The following PPP6R1 variants were observed in gnomAD, a reference collection of about 807,000 sequenced individuals.
The protein encoded by PPP6R1 is serine/threonine-protein phosphatase 6 regulatory subunit 1.
Under a neutral mutation model 104.6 loss-of-function variants are expected in PPP6R1, and 39 were observed. The ratio of observed to expected loss-of-function variants is 0.37; its 90% CI spans 0.29 to 0.49. The LOEUF (loss-of-function observed/expected upper bound fraction) is 0.49. Among genes scored for constraint, PPP6R1 ranks in the 20% least tolerant of loss-of-function variants. The pLI, the probability that PPP6R1 is intolerant of heterozygous loss-of-function variation, is 0.98. For synonymous variants in PPP6R1, 549 were observed against 479.0 expected, an observed-to-expected ratio of 1.15 and a Z score of -1.91; for missense variants, 1,181 against 1,155.8, an observed-to-expected ratio of 1.02 and a Z score of -0.32.
intron 1 of PPP6R1, among the ~76,000 whole-genome samples, chr19:55,248,905 T>C (rs2087531837): frequency 6.6e-6 from 1 of 152,150 alleles, no homozygotes; most frequent in Non-Finnish European, 1.5e-5. Flanking sequence ...GGGGCCAGGA[T>C]CTCCTTGCTC....
intron 19 of PPP6R1, 28 bp from the exon 20 acceptor site, chr19:55,231,696 G>A (rs370775874): frequency 3.2e-6 from 5 of 1,569,630 alleles, no homozygotes; most frequent in Non-Finnish European, 4.3e-6. Flanking sequence ...CAGCCCAAGG[G>A]GGCAGCTAGG....
In PPP6R1 at chr19:55,241,138, CCT is replaced by C. The variant is rs999226504; in HGVS notation, c.1162-61_1162-60del. ...CCCCGCCCCAGCCGAGCCCCCAACC[CCT>C]GAGCCCCCAGCCGAGCCCCCACCCC... On this transcript the variant is annotated intron_variant, in intron 9 of 23. Coordinates refer to ENST00000412770, the MANE Select transcript of PPP6R1 (RefSeq NM_014931.4). This position sits in a 1 kb window ranked among gnomAD's most constrained non-coding sequence, Gnocchi z 5.4. 2.1e-4 allele frequency: 312 copies of C among 1,519,350 alleles called. 4 individuals are homozygous for C. The highest frequency in any genetic ancestry group is 1.9e-3 in the East Asian group (76 of 40,368). The allele number at this position is 1,519,350 out of a possible 1,614,324, so 94.1% of individuals were successfully genotyped here.
chr19:55,245,003 G>A lies in PPP6R1; in HGVS notation c.618+117C>T. 1 of 1,447,726 alleles carries A rather than the reference G, an allele frequency of 6.9e-7. No individual in the cohort carries two copies. The allele number at this position is 1,447,726 out of a possible 1,614,324, so 89.7% of individuals were successfully genotyped here. ...TCCTCCCACCTCGCCCTCCCAAAGT[G>A]CTGGAATTACAGGCGTGAGCCACTG... is the stretch of plus-strand genomic sequence containing the variant. On this transcript the variant is annotated intron_variant, in intron 5 of 23. Transcript: ENST00000412770. This position sits in a 1 kb window ranked among gnomAD's most constrained non-coding sequence, Gnocchi z 6.4.
At position 55,239,407 on chromosome 19, in the gene PPP6R1, C is replaced by T. The variant is rs761575580; in HGVS notation, c.1749G>A (p.Val583=). ...GACCCTGCGCAGGAGACACTCACTT[C>T]ACACTCTCCTCCTGCTCCCCAAACT... ...DEEFGEQEES[V]NAPFDKTANI... The change falls in exon 15 of 24, where the codon GTG becomes GTA. Residue 583 remains valine (V), a splice_region_variant and synonymous_variant. Coordinates refer to ENST00000412770, the MANE Select transcript of PPP6R1 (RefSeq NM_014931.4). 1.9e-6 allele frequency: 3 copies of T among 1,613,024 alleles called. No homozygotes were observed. The South Asian group carries it at 3.3e-5, about 18-fold the overall frequency.
chr19:55,240,435 G>A (rs926253546), intron 10 of PPP6R1, 135 bp from the exon 11 acceptor site: 7 of 890,610 alleles, frequency 7.9e-6, no homozygotes, highest in Non-Finnish European at 1.2e-5. Context: ...GGATGGGAAG[G>A]AGGGATGCAA....
Position 55,245,778 on chromosome 19 carries a change from G to GCAGTTCCCAGAAACCCA in PPP6R1, c.228-101_228-100insTGGGTTTCTGGGAACTG. The GCAGTTCCCAGAAACCCA allele has an allele frequency of 1.0e-6, 1 of 998,802 alleles. No homozygotes were observed. Among genetic ancestry groups the GCAGTTCCCAGAAACCCA allele is most frequent in the Non-Finnish European group, 1.5e-6 (1 of 679,098 alleles). The allele number at this position is 998,802 out of a possible 1,614,324, so 61.9% of individuals were successfully genotyped here. The stretch of plus-strand genomic sequence containing the variant: ...TCTCTGCACCGGGCACTGGGTTTCT[G>GCAGTTCCCAGAAACCCA]GGAACTGCAGAGACCCCTGTCCAGG... On this transcript the variant is annotated intron_variant, in intron 2 of 23. Coordinates refer to ENST00000412770, the MANE Select transcript of PPP6R1 (RefSeq NM_014931.4). This position sits in a 1 kb window ranked among gnomAD's most constrained non-coding sequence, Gnocchi z 6.4.
chr19:55,254,817 G>A (rs536466254), intron 1 of PPP6R1, among the ~76,000 whole-genome samples: 3 of 152,308 alleles, frequency 2.0e-5, no homozygotes, highest in South Asian at 4.1e-4. Context: ...TCCCTCTAAT[G>A]TCCCCCAAGC....
intron 17 of PPP6R1, among the ~76,000 whole-genome samples, chr19:55,234,304 G>A (rs972231359): frequency 1.3e-5 from 2 of 152,140 alleles, no homozygotes; most frequent in Admixed American, 1.3e-4. Flanking sequence ...GTGTGGTACT[G>A]GATAAAAACA....
chr19:55,245,349 G>C lies in PPP6R1; in HGVS notation c.468C>G (p.His156Gln). 3.1e-6 allele frequency: 5 copies of C among 1,612,732 alleles called. No homozygotes were observed. Among genetic ancestry groups the C allele is most frequent in the Non-Finnish European group, 4.2e-6 (5 of 1,179,494 alleles). Reference protein sequence around the residue: ...KDDFVDLLLQHIGTSAIMDLL... With the variant: ...KDDFVDLLLQQIGTSAIMDLL... ...GGTCCATGATGGCCGAGGTGCCAAT[G>C]TGCTGCAGCAGCAGGTCCACGAAGT... Residue 156 changes from histidine (H) to glutamine (Q), a missense_variant, in exon 4 of 24, where the codon CAC (histidine) becomes CAG (glutamine). Around this residue, in one of 2 missense-constraint regions of PPP6R1, gnomAD observed 1,042 missense variants for 955.6 expected, o/e 1.09. Transcript: ENST00000412770. This position sits in a 1 kb window ranked among gnomAD's most constrained non-coding sequence, Gnocchi z 6.4.
rs1261711007 is a variant in PPP6R1, at chr19:55,239,465, G to A, written c.1691C>T (p.Ala564Val). The change falls in exon 15 of 24, where the codon GCC becomes GTC. Residue 564 changes from alanine to valine, a missense_variant. Transcript: ENST00000412770. ...MDFQMQRMTS[A>V]FIDHFGFNDE... ...ATTGAAGCCGAAGTGGTCAATGAAG[G>A]CAGAGGTCATGCGCTGCATCTGGAA... The A allele has an allele frequency of 1.2e-6, 2 of 1,614,030 alleles. No individual in the cohort carries two copies. Among genetic ancestry groups the A allele is most frequent in the South Asian group, 1.1e-5 (1 of 91,088 alleles).
chr19:55,252,794 T>A (rs1222878691), intron 1 of PPP6R1, among the ~76,000 whole-genome samples: 1 of 152,060 alleles, frequency 6.6e-6, no homozygotes, highest in Non-Finnish European at 1.5e-5. Context: ...TGCCTCGGCC[T>A]CCCAAAGTGC....
intron 21 of PPP6R1, 80 bp downstream of exon 21, chr19:55,231,330 C>T (rs2087343479): frequency 6.9e-7 from 1 of 1,458,020 alleles, no homozygotes; most frequent in Non-Finnish European, 9.4e-7. Flanking sequence ...AGCTCAGGGA[C>T]AAGATGAACC....
chr19:55,239,090 G>A, intron 15 of PPP6R1: 1 of 373,950 alleles, frequency 2.7e-6, no homozygotes, highest in East Asian at 6.1e-5. Flanking sequence ...CCTCCCGCCT[G>A]GAACCCCTAA....
downstream of PPP6R1, chr19:55,229,098 G>A (rs1022953879): frequency 8.0e-6 from 2 of 248,552 alleles, no homozygotes; most frequent in Non-Finnish European, 1.6e-5. Flanking sequence ...AGCGGGAGAG[G>A]GGCTGGCTGG....
Position 55,236,988 on chromosome 19 carries a change from G to T in PPP6R1, c.1752-18C>A, listed in dbSNP as rs184174154. On this transcript the variant is annotated intron_variant, in intron 15 of 23. Coordinates refer to ENST00000412770, the MANE Select transcript of PPP6R1 (RefSeq NM_014931.4). ...AAGGTGCGCTAGGAGAGAAGGCAAG[G>T]CATGGTGAGAAGGTCCACCTGGGGG... The T allele has an allele frequency of 3.1e-4, 497 of 1,601,096 alleles. No individual in the cohort carries two copies. The highest frequency in any genetic ancestry group is 3.2e-4 in the Non-Finnish European group (379 of 1,168,286).
chr19:55,231,148 C>T (rs575820128), intron 21 of PPP6R1, among the ~76,000 whole-genome samples: 1 of 152,290 alleles, frequency 6.6e-6, no homozygotes, highest in Admixed American at 6.5e-5. Flanking sequence ...GGGTCTTCTG[C>T]ATGCTCTCAC....
intron 10 of PPP6R1, 87 bp downstream of exon 10, chr19:55,240,858 A>AG: frequency 6.7e-7 from 1 of 1,498,076 alleles, no homozygotes; most frequent in Non-Finnish European, 9.0e-7. Context: ...CACTTGTGGG[A>AG]GGAAGGAGTG....
rs1568946729 is a variant in PPP6R1, at chr19:55,241,125, CGAGCCCCCAACCCCT to C, written c.1162-61_1162-47del. ...GGTACCAGAGAGGCCCCGCCCCAGC[CGAGCCCCCAACCCCT>C]GAGCCCCCAGCCGAGCCCCCACCCC... On this transcript the variant is annotated intron_variant, in intron 9 of 23. Coordinates refer to ENST00000412770, the MANE Select transcript of PPP6R1 (RefSeq NM_014931.4). This position sits in a 1 kb window ranked among gnomAD's most constrained non-coding sequence, Gnocchi z 5.4. 7.2e-6 allele frequency: 11 copies of C among 1,528,704 alleles called. No homozygotes were observed. In the East Asian group the frequency reaches 1.7e-4, roughly 24 times the overall value. 94.7% of individuals were successfully genotyped at this position (1,528,704 alleles called of 1,614,324 possible). A position where few individuals can be genotyped will look rare whatever the true frequency, so the allele number is the denominator to read the frequency against.
At chr19:55,242,559 C>T (rs1378476787) in intron 5 of PPP6R1, 71 bp from the exon 6 acceptor site, 2 of 1,322,304 alleles carry the variant, frequency 1.5e-6, no homozygotes, top group East Asian at 2.3e-5. Context: ...TGCTGGGAGC[C>T]CCTCCCATGA....
Sources: gnomAD v4.1 joint callset for allele counts (sites outside exome capture counted in the v4.1 genomes callset) on GRCh38, gnomAD v4.1.1 for gene constraint, gnomAD v4.1.1 regional missense constraint, Gnocchi (gnomAD v3.1) non-coding constraint, MANE v1.5 for transcripts, NCBI Gene and HGNC (gene_info 2026-07-23, HGNC 2026-07-21) for gene names.